Variants in ADGRL3 observed in about 807,000 individuals in gnomAD.
ADGRL3 encodes the protein calcium-independent alpha-latrotoxin receptor 3.
ADGRL3 carries 62 observed loss-of-function variants against 153.5 expected under a neutral mutation model. That is an observed-to-expected ratio of 0.40 (90% CI 0.33 to 0.50). ADGRL3 has a LOEUF of 0.50. ADGRL3 is among the 20% of genes least tolerant of loss of function. The probability of loss-of-function intolerance (pLI) is 0.47; values close to 1 mark genes in which losing one functional copy is unlikely to be tolerated. For synonymous variants in ADGRL3, 710 were observed against 672.5 expected, an observed-to-expected ratio of 1.06 and a Z score of -0.86; for missense variants, 1,641 against 1,859.4, an observed-to-expected ratio of 0.88 and a Z score of 2.16.
At chr4:61,758,896 A>G (rs1004232055) in intron 8 of ADGRL3, among the ~76,000 whole-genome samples, 3 of 152,142 alleles carry the variant, frequency 2.0e-5, no homozygotes, top group Non-Finnish European at 4.4e-5. Flanking sequence ...ATCTCTCAGC[A>G]TTTGCTAGTC....
intron 8 of ADGRL3, among the ~76,000 whole-genome samples, chr4:61,736,928 A>T (rs544115302): frequency 1.3e-5 from 2 of 152,216 alleles, no homozygotes. Context: ...TGCAGTTTAG[A>T]GGTGGAAAGA....
intron 17 of ADGRL3, among the ~76,000 whole-genome samples, chr4:61,951,813 T>G (rs1484279620): frequency 1.3e-5 from 2 of 152,060 alleles, no homozygotes. Context: ...TGCAGTGAGC[T>G]GAGATCAACC....
intron 8 of ADGRL3, among the ~76,000 whole-genome samples, chr4:61,789,034 A>G (rs953382348): frequency 2.6e-5 from 4 of 152,174 alleles, no homozygotes; most frequent in East Asian, 3.9e-4. Context: ...ATTTTAATCA[A>G]ATTTATCAAA....
chr4:61,342,594 C>G (rs895048673), intron 1 of ADGRL3, among the ~76,000 whole-genome samples: 8 of 152,074 alleles, frequency 5.3e-5, no homozygotes, highest in African/African-American at 1.7e-4. Flanking sequence ...TTTTGACAAG[C>G]CGTGCTCTTT....
At chr4:61,816,810 C>T (rs1051666517) in intron 9 of ADGRL3, among the ~76,000 whole-genome samples, 1 of 152,108 alleles carries the variant, frequency 6.6e-6, no homozygotes, top group Admixed American at 6.5e-5. Flanking sequence ...GCACCCCCTA[C>T]CAAGTTAAAG....
At chr4:61,425,424 G>A (rs140421731) in intron 2 of ADGRL3, 19 of 152,522 alleles carry the variant, frequency 1.2e-4, no homozygotes, top group African/African-American at 3.8e-4. Flanking sequence ...GCTGCTGGAA[G>A]GGTGGTGCAG....
intron 1 of ADGRL3, chr4:61,211,554 A>C (rs1375053399): frequency 6.6e-6 from 1 of 152,206 alleles, no homozygotes; most frequent in African/African-American, 2.4e-5. Context: ...ATAGTTATTT[A>C]ATAACTGGGA....
At chr4:61,225,353 ATG>A in intron 1 of ADGRL3, among the ~76,000 whole-genome samples, 1 of 152,296 alleles carries the variant, frequency 6.6e-6, no homozygotes, top group African/African-American at 2.4e-5. Flanking sequence ...TTAAAGGGCT[ATG>A]TAAAACCAAA....
chr4:61,658,677 G>A (rs2094507678), intron 5 of ADGRL3, among the ~76,000 whole-genome samples: 1 of 152,064 alleles, frequency 6.6e-6, no homozygotes, highest in South Asian at 2.1e-4. Flanking sequence ...AGAGCACAAT[G>A]ACCTCCAGAT....
At chr4:61,564,970 T>C (rs1285354905) in intron 4 of ADGRL3, among the ~76,000 whole-genome samples, 1 of 152,154 alleles carries the variant, frequency 6.6e-6, no homozygotes, top group African/African-American at 2.4e-5. Context: ...ACAATCACAA[T>C]AGTAACATCA....
intron 8 of ADGRL3, among the ~76,000 whole-genome samples, chr4:61,788,061 A>C (rs2097298210): frequency 6.6e-6 from 1 of 152,188 alleles, no homozygotes; most frequent in African/African-American, 2.4e-5. Context: ...GGCTGGTTCC[A>C]TATTTTTGCA....
rs185663578 is a variant in ADGRL3, at chr4:61,880,433, G to A, written c.1481-12223G>A. On this transcript the variant is annotated intron_variant, in intron 9 of 26. Coordinates refer to ENST00000683033, the MANE Select transcript of ADGRL3 (RefSeq NM_001387552.1). ...AAGTTTTGTTATAAAATTTAGTCTG[G>A]AGTGTTAATCAAATTTTTAATTCAA... Among the ~76,000 whole-genome samples the A allele has an allele frequency of 1.5e-3, 230 of 152,204 alleles. 1 individual carries two copies. The highest frequency in any genetic ancestry group is 3.5e-3 in the Admixed American group (53 of 15,278).
At chr4:61,904,613 T>C (rs1286753516) in intron 11 of ADGRL3, among the ~76,000 whole-genome samples, 1 of 152,104 alleles carries the variant, frequency 6.6e-6, no homozygotes, top group Non-Finnish European at 1.5e-5. Context: ...CTTTTCCACC[T>C]TTTCGTTTCC....
At chr4:61,642,547 C>A (rs2093732383) in intron 5 of ADGRL3, among the ~76,000 whole-genome samples, 1 of 152,052 alleles carries the variant, frequency 6.6e-6, no homozygotes, top group Non-Finnish European at 1.5e-5. Flanking sequence ...AATAGGGAAT[C>A]CTTTCCCCAT....
intron 1 of ADGRL3, among the ~76,000 whole-genome samples, chr4:61,258,751 A>G (rs1270967540): frequency 1.3e-5 from 2 of 152,160 alleles, no homozygotes; most frequent in Non-Finnish European, 2.9e-5. Flanking sequence ...AGCCCCTAGA[A>G]CTATAACATC....
intron 11 of ADGRL3, among the ~76,000 whole-genome samples, chr4:61,900,300 TG>T (rs1169118226): frequency 8.8e-4 from 134 of 152,268 alleles, no homozygotes; most frequent in African/African-American, 3.2e-3. Flanking sequence ...ACATGAATTA[TG>T]TTTTTTTTTC....
chr4:61,235,101 G>T (rs761444649), intron 1 of ADGRL3, among the ~76,000 whole-genome samples: 2 of 152,118 alleles, frequency 1.3e-5, no homozygotes, highest in Non-Finnish European at 2.9e-5. Context: ...AAGGCTATAA[G>T]AAATAAATGA....
intron 21 of ADGRL3, among the ~76,000 whole-genome samples, chr4:62,018,086 T>C (rs1043900504): frequency 1.3e-5 from 2 of 152,092 alleles, no homozygotes; most frequent in Non-Finnish European, 2.9e-5. Flanking sequence ...TGTTTGCAAA[T>C]TGAGCAGTGC....
chr4:61,905,843 C>T (rs980943590), intron 11 of ADGRL3, among the ~76,000 whole-genome samples: 13 of 150,304 alleles, frequency 8.6e-5, no homozygotes, highest in South Asian at 4.2e-4. Flanking sequence ...TGCAGTGAGT[C>T]GAGATCATGC....
Sources: gnomAD v4.1 joint callset for allele counts (sites outside exome capture counted in the v4.1 genomes callset) on GRCh38, gnomAD v4.1.1 for gene constraint, MANE v1.5 for transcripts, NCBI Gene and HGNC (gene_info 2026-07-23, HGNC 2026-07-21) for gene names.